The following EBF1 variants were observed in gnomAD, a reference collection of about 807,000 sequenced individuals.
The protein encoded by EBF1 is transcription factor COE1.
EBF1 carries 10 observed loss-of-function variants against 68.4 expected under a neutral mutation model. The ratio of observed to expected loss-of-function variants is 0.15; its 90% CI spans 0.09 to 0.25. The LOEUF (loss-of-function observed/expected upper bound fraction) is 0.25, where lower values mean the gene tolerates loss of function less well. Among genes scored for constraint, EBF1 ranks in the 10% least tolerant of loss-of-function variants. The pLI is 1.00. For synonymous variants in EBF1, 298 were observed against 299.8 expected, an observed-to-expected ratio of 0.99 and a Z score of 0.06; for missense variants, 509 against 794.4, an observed-to-expected ratio of 0.64 and a Z score of 4.32.
intron 15 of EBF1, among the ~76,000 whole-genome samples, chr5:158,706,353 G>A (rs1757880715): frequency 6.6e-6 from 1 of 152,132 alleles, no homozygotes; most frequent in African/African-American, 2.4e-5. Flanking sequence ...CCTGGAGGCA[G>A]AAAGACAACG....
intron 11 of EBF1, among the ~76,000 whole-genome samples, chr5:158,725,002 A>G (rs1367327972): frequency 3.3e-5 from 5 of 152,210 alleles, no homozygotes; most frequent in Non-Finnish European, 7.3e-5. Flanking sequence ...ATATTTAAGG[A>G]TGTTGCTGCC....
intron 6 of EBF1, among the ~76,000 whole-genome samples, chr5:158,877,874 C>T (rs1011854622): frequency 2.0e-5 from 3 of 151,842 alleles, no homozygotes; most frequent in Non-Finnish European, 4.4e-5. Flanking sequence ...TTTCCGGTCG[C>T]CATATATTGC....
chr5:158,815,340 A>C (rs1230451470), intron 8 of EBF1, among the ~76,000 whole-genome samples: 1 of 152,200 alleles, frequency 6.6e-6, no homozygotes, highest in Admixed American at 6.5e-5. Context: ...AATTCTAATT[A>C]GTTCTGCAGC....
intron 9 of EBF1, among the ~76,000 whole-genome samples, chr5:158,780,056 G>C (rs1776124173): frequency 1.3e-5 from 2 of 152,124 alleles, no homozygotes; most frequent in Non-Finnish European, 2.9e-5. Context: ...CTCTAGCATT[G>C]ACACATGATA....
intron 4 of EBF1, among the ~76,000 whole-genome samples, chr5:159,094,165 CAAAAAAAAAAAAA>C (rs869228922): frequency 0.072 from 1,589 of 21,920 alleles, 34 homozygotes; most frequent in Middle Eastern, 0.11. Flanking sequence ...CCTTGGAAGG[CAAAAAAAAAAAAA>C]AAAAAAAAAA....
At chr5:158,764,806 T>C (rs986251044) in intron 10 of EBF1, among the ~76,000 whole-genome samples, 2 of 152,116 alleles carry the variant, frequency 1.3e-5, no homozygotes, top group Admixed American at 1.3e-4. Flanking sequence ...ATCTAAGATA[T>C]TGAAAGGTAT....
chr5:158,772,587 C>T (rs1774085446), intron 10 of EBF1, among the ~76,000 whole-genome samples: 1 of 152,112 alleles, frequency 6.6e-6, no homozygotes, highest in Admixed American at 6.6e-5. Flanking sequence ...TACACTTATG[C>T]ATTTCTTTTT....
chr5:159,058,284 A>G lies in EBF1; in HGVS notation c.554+15112T>C, dbSNP rs986983671. Among the ~76,000 whole-genome samples the G allele has an allele frequency of 6.6e-5, 10 of 152,220 alleles. No individual in the cohort carries two copies. In the East Asian group the frequency reaches 1.9e-3, roughly 29 times the overall value. Reference sequence around the variant, plus strand: ...AGAATGAGTAAGAAAATGTTTTGTTAATGAATAAAGATCCTGTATTTCATT... The same window carrying G: ...AGAATGAGTAAGAAAATGTTTTGTTGATGAATAAAGATCCTGTATTTCATT... On this transcript the variant is annotated intron_variant, in intron 6 of 15. Transcript: ENST00000313708.
chr5:159,062,927 T>C (rs777470608), intron 6 of EBF1, among the ~76,000 whole-genome samples: 6 of 152,250 alleles, frequency 3.9e-5, no homozygotes, highest in Non-Finnish European at 5.9e-5. Context: ...GGTAATCGTG[T>C]GAAGATTAAC....
intron 10 of EBF1, 87 bp downstream of exon 10, chr5:158,777,326 A>T (rs1581789918): frequency 1.5e-6 from 2 of 1,331,458 alleles, no homozygotes; most frequent in Admixed American, 2.8e-5. Flanking sequence ...TTTAAAATAA[A>T]ATACATGCTT....
At chr5:158,844,188 C>CTT (rs10640628) in intron 6 of EBF1, among the ~76,000 whole-genome samples, 3,773 of 126,294 alleles carry the variant, frequency 0.03, 224 homozygotes, top group African/African-American at 0.097. Flanking sequence ...TAACTCAAGC[C>CTT]TTTTTTTTTT....
intron 6 of EBF1, among the ~76,000 whole-genome samples, chr5:159,068,060 G>A (rs1777149957): frequency 6.6e-6 from 1 of 152,144 alleles, no homozygotes; most frequent in Non-Finnish European, 1.5e-5. Context: ...AGTGCAGAAT[G>A]ATTATGCATT....
At chr5:159,099,274 C>A (rs566836623) in intron 1 of EBF1, 71 bp downstream of exon 1, 3 of 1,254,630 alleles carry the variant, frequency 2.4e-6, no homozygotes, top group Admixed American at 3.5e-5. Flanking sequence ...CTGCCGCTGC[C>A]GCTGCCGCCT....
intron 6 of EBF1, among the ~76,000 whole-genome samples, chr5:158,946,682 G>T (rs961121614): frequency 2.6e-5 from 4 of 152,242 alleles, no homozygotes; most frequent in African/African-American, 9.6e-5. Context: ...CACTTAAGGA[G>T]TCAGTCTGTC....
At chr5:158,943,853 T>A (rs541095209) in intron 6 of EBF1, among the ~76,000 whole-genome samples, 313 of 152,312 alleles carry the variant, frequency 2.1e-3, no homozygotes, top group African/African-American at 7.1e-3. Flanking sequence ...TGACTTATAA[T>A]CATTTCTCTC....
At chr5:158,945,999 G>A (rs770111241) in intron 6 of EBF1, among the ~76,000 whole-genome samples, 34 of 151,930 alleles carry the variant, frequency 2.2e-4, no homozygotes, top group Admixed American at 1.8e-3. Context: ...TGTATGTTTC[G>A]GGAAGTTCTC....
chr5:158,864,889 A>C (rs149746492), intron 6 of EBF1, among the ~76,000 whole-genome samples: 1 of 152,172 alleles, frequency 6.6e-6, no homozygotes, highest in Non-Finnish European at 1.5e-5. Flanking sequence ...GGATCATTCT[A>C]TCTCTAACAG....
chr5:159,065,811 T>C (rs1391460532), intron 6 of EBF1, among the ~76,000 whole-genome samples: 1 of 152,164 alleles, frequency 6.6e-6, no homozygotes, highest in African/African-American at 2.4e-5. Context: ...CTGAAAGTGT[T>C]AAAGAAAACA....
At chr5:158,851,826 G>A in intron 6 of EBF1, among the ~76,000 whole-genome samples, 1 of 87,450 alleles carries the variant, frequency 1.1e-5, no homozygotes, top group African/African-American at 4.7e-5. Flanking sequence ...GGAATAGAAA[G>A]GAAGGGACGG....
Sources: gnomAD v4.1 joint callset for allele counts (sites outside exome capture counted in the v4.1 genomes callset) on GRCh38, gnomAD v4.1.1 for gene constraint, MANE v1.5 for transcripts, NCBI Gene and HGNC (gene_info 2026-07-23, HGNC 2026-07-21) for gene names.